The following FBLN7 variants were observed in gnomAD, a reference collection of about 807,000 sequenced individuals.
The protein encoded by FBLN7 is fibulin-7.
Under a neutral mutation model 44.0 loss-of-function variants are expected in FBLN7, and 31 were observed. That is an observed-to-expected ratio of 0.70 (90% CI 0.53 to 0.95). The LOEUF (loss-of-function observed/expected upper bound fraction) is 0.95. Ranked by LOEUF, FBLN7 falls within the 40% of genes least tolerant of loss-of-function variation. FBLN7 has a pLI of 0.00. For missense variants in FBLN7, 573 were observed against 618.5 expected (o/e 0.93, Z 0.78); for synonymous variants, 262 against 253.4 (o/e 1.03, Z -0.32).
chr2:112,230,338 T>A, the FBLN7 span, among the ~76,000 whole-genome samples: 12 of 152,348 alleles, frequency 7.9e-5, no homozygotes, highest in African/African-American at 2.9e-4. Flanking sequence ...GATATGATTC[T>A]ACTCCTTGGC....
chr2:112,164,512 G>T (rs1277423914), intron 2 of FBLN7, among the ~76,000 whole-genome samples: 2 of 152,214 alleles, frequency 1.3e-5, no homozygotes, highest in Admixed American at 6.5e-5. Context: ...ACGCGGGGAG[G>T]TGGTGGCATA....
chr2:112,187,253 G>A lies in FBLN7; in HGVS notation c.1067G>A (p.Arg356His), dbSNP rs755216343. The change falls in exon 8 of 8, where the codon CGC becomes CAC. Residue 356 changes from arginine (R) to histidine (H), a missense_variant. Coordinates refer to ENST00000331203, the MANE Select transcript of FBLN7 (RefSeq NM_153214.3). The surrounding 1 kb of genome is among the most constrained non-coding windows in gnomAD (Gnocchi z 5.1). Reference sequence around the variant, plus strand: ...CTGAAGACGCCCATCACGCTCTTCCGCATGGCCACAGCCTCTGCCCCCGGC... The same window carrying A: ...CTGAAGACGCCCATCACGCTCTTCCACATGGCCACAGCCTCTGCCCCCGGC... Reference protein sequence around the residue: ...SNLKTPITLFRMATASAPGRA... With the variant: ...SNLKTPITLFHMATASAPGRA... 27 of 1,613,980 alleles carry A rather than the reference G, an allele frequency of 1.7e-5. No individual in the cohort carries two copies. The highest frequency in any genetic ancestry group is 8.9e-5 in the East Asian group (4 of 44,894).
In FBLN7 at chr2:112,147,975, T is replaced by G. The variant is rs191761275; in HGVS notation, c.75+9245T>G. Among the ~76,000 whole-genome samples the G allele has an allele frequency of 4.6e-4, 70 of 152,266 alleles. No homozygotes were observed. In the South Asian group the frequency reaches 0.01, roughly 22 times the overall value. ...GAGGAGGAAGTGAGAGGAGGAAAGCTGACCCGCGCTCTCTCCGACTCACTG... is the reference window on the plus strand; with the variant it reads ...GAGGAGGAAGTGAGAGGAGGAAAGCGGACCCGCGCTCTCTCCGACTCACTG... On this transcript the variant is annotated intron_variant, in intron 1 of 7. Coordinates refer to ENST00000331203, the MANE Select transcript of FBLN7 (RefSeq NM_153214.3).
the FBLN7 span, among the ~76,000 whole-genome samples, chr2:112,198,445 C>T: frequency 1.6e-4 from 25 of 151,784 alleles, no homozygotes; most frequent in Non-Finnish European, 3.4e-4. Flanking sequence ...AAGACCAGCC[C>T]GGCCAACATG....
Position 112,165,007 on chromosome 2 carries a change from G to T in FBLN7, c.242G>T (p.Cys81Phe), listed in dbSNP as rs1332807626. ...CTTCCATCTCTCCTTACAGTTTCCT[G>T]CCCGGCTCTGAACACCCCCGCAGAC... ...RVGPDALPVSCPALNTPADGR... is the reference protein window; with the variant it reads ...RVGPDALPVSFPALNTPADGR... Residue 81 changes from cysteine (C) to phenylalanine (F), a missense_variant, in exon 3 of 8, where the codon TGC becomes TTC. Coordinates refer to ENST00000331203, the MANE Select transcript of FBLN7 (RefSeq NM_153214.3). 6.2e-7 allele frequency: 1 copy of T among 1,613,756 alleles called. No homozygotes were observed. The highest frequency in any genetic ancestry group is 1.1e-5 in the South Asian group (1 of 91,056).
chr2:112,149,752 A>G (rs942715773), intron 1 of FBLN7, among the ~76,000 whole-genome samples: 1 of 152,210 alleles, frequency 6.6e-6, no homozygotes, highest in Non-Finnish European at 1.5e-5. Flanking sequence ...TGTTAAAGAA[A>G]AAATAAGCAC....
At chr2:112,193,547 T>A in the FBLN7 span, among the ~76,000 whole-genome samples, 5 of 152,276 alleles carry the variant, frequency 3.3e-5, no homozygotes, top group Non-Finnish European at 7.3e-5. Context: ...AAGTGAATGC[T>A]GTATAAATAG....
intron 1 of FBLN7, chr2:112,153,389 G>C (rs544241975): frequency 3.3e-5 from 5 of 152,168 alleles, no homozygotes; most frequent in Non-Finnish European, 7.3e-5. Context: ...CAAGTCTAGG[G>C]GTCATCCGTG....
intron 1 of FBLN7, among the ~76,000 whole-genome samples, chr2:112,148,049 G>A (rs1281933156): frequency 3.3e-5 from 5 of 152,052 alleles, no homozygotes; most frequent in Non-Finnish European, 7.4e-5. Context: ...TCAAGACCTC[G>A]CGCTGGAGCA....
intron 1 of FBLN7, among the ~76,000 whole-genome samples, chr2:112,148,437 G>A (rs1299443648): frequency 1.3e-5 from 2 of 152,210 alleles, no homozygotes; most frequent in African/African-American, 4.8e-5. Context: ...TCTAAAATGA[G>A]GTATTTCATA....
intron 4 of FBLN7, among the ~76,000 whole-genome samples, chr2:112,181,198 G>C (rs1043058860): frequency 4.6e-5 from 7 of 152,118 alleles, no homozygotes; most frequent in Non-Finnish European, 7.4e-5. Context: ...GGTTGGGGAG[G>C]AGGGAGAGGA....
chr2:112,195,792 C>T, the FBLN7 span, among the ~76,000 whole-genome samples: 6 of 152,252 alleles, frequency 3.9e-5, no homozygotes, highest in African/African-American at 7.2e-5. Context: ...TCTGCATGCT[C>T]ACTGAGGCAG....
At chr2:112,243,356 G>A in the FBLN7 span, among the ~76,000 whole-genome samples, 3 of 152,094 alleles carry the variant, frequency 2.0e-5, no homozygotes, top group South Asian at 2.1e-4. Flanking sequence ...GAGAAGAATC[G>A]AACAAAGTTC....
At chr2:112,161,778 TACA>T (rs1224939755) in intron 2 of FBLN7, among the ~76,000 whole-genome samples, 1 of 152,264 alleles carries the variant, frequency 6.6e-6, no homozygotes, top group Non-Finnish European at 1.5e-5. Flanking sequence ...CTCTGAAATG[TACA>T]ACATTTTTTA....
Position 112,187,028 on chromosome 2 carries a change from G to T in FBLN7, c.948-106G>T. On this transcript the variant is annotated intron_variant, in intron 7 of 7. Coordinates refer to ENST00000331203, the MANE Select transcript of FBLN7 (RefSeq NM_153214.3). The surrounding 1 kb of genome is among the most constrained non-coding windows in gnomAD (Gnocchi z 5.1). Reference sequence around the variant, plus strand: ...GGTGAAGGACCCGTGGCTGGGAAAGGTCATCTAGGTGGCCTCTGCAAGAGG... The same window carrying T: ...GGTGAAGGACCCGTGGCTGGGAAAGTTCATCTAGGTGGCCTCTGCAAGAGG... The T allele has an allele frequency of 7.1e-7, 1 of 1,411,538 alleles. No homozygotes were observed. Among genetic ancestry groups the T allele is most frequent in the South Asian group, 1.4e-5 (1 of 73,012 alleles). 87.4% of individuals were successfully genotyped at this position (1,411,538 alleles called of 1,614,324 possible).
the FBLN7 span, among the ~76,000 whole-genome samples, chr2:112,243,758 T>G: frequency 6.6e-6 from 1 of 152,180 alleles, no homozygotes; most frequent in East Asian, 1.9e-4. Context: ...ATTTATTGTC[T>G]TGTCCTTTAT....
the FBLN7 span, chr2:112,234,225 A>C: frequency 2.5e-6 from 4 of 1,602,712 alleles, no homozygotes; most frequent in Non-Finnish European, 3.4e-6. Flanking sequence ...GCTTCTCTTT[A>C]GGTTTACCAT....
intron 1 of FBLN7, among the ~76,000 whole-genome samples, chr2:112,157,607 C>G (rs1681497888): frequency 6.6e-6 from 1 of 152,112 alleles, no homozygotes; most frequent in Non-Finnish European, 1.5e-5. Context: ...TTTTCATGTC[C>G]TGGCTCTTTT....
At chr2:112,192,469 A>G (rs1047142550), downstream of FBLN7, among the ~76,000 whole-genome samples, 23 of 152,344 alleles carry the variant, frequency 1.5e-4, no homozygotes, top group African/African-American at 5.3e-4. Context: ...AGCTGCCACC[A>G]GGAAGAGACA....
Sources: gnomAD v4.1 joint callset for allele counts (sites outside exome capture counted in the v4.1 genomes callset) on GRCh38, gnomAD v4.1.1 for gene constraint, Gnocchi (gnomAD v3.1) non-coding constraint, MANE v1.5 for transcripts, NCBI Gene and HGNC (gene_info 2026-07-23, HGNC 2026-07-21) for gene names.